Variants in CNTN1 observed in about 807,000 individuals in gnomAD.
CNTN1 encodes the protein contactin-1.
Under a neutral mutation model 126.4 loss-of-function variants are expected in CNTN1, and 38 were observed. That is an observed-to-expected ratio of 0.30 (90% CI 0.23 to 0.39). The LOEUF is 0.39. Among genes scored for constraint, CNTN1 ranks in the 10% least tolerant of loss-of-function variants. The probability of loss-of-function intolerance (pLI) is 1.00; values close to 1 mark genes in which losing one functional copy is unlikely to be tolerated. For missense variants in CNTN1, 1,009 were observed against 1,248.4 expected, an observed-to-expected ratio of 0.81 and a Z score of 2.89; for synonymous variants, 413 against 422.6, an observed-to-expected ratio of 0.98 and a Z score of 0.28.
chr12:40,927,821 G>A (rs933431218), intron 6 of CNTN1, among the ~76,000 whole-genome samples: 1 of 152,018 alleles, frequency 6.6e-6, no homozygotes, highest in Non-Finnish European at 1.5e-5. Context: ...CAAGACTTAT[G>A]TTCATACAAC....
At chr12:40,707,374 G>T (rs1376337253) in intron 1 of CNTN1, among the ~76,000 whole-genome samples, 3 of 150,380 alleles carry the variant, frequency 2.0e-5, no homozygotes, top group African/African-American at 7.3e-5. Flanking sequence ...TCAGCCTCCC[G>T]AGTAGCTGGG....
intron 12 of CNTN1, among the ~76,000 whole-genome samples, chr12:40,941,266 C>T (rs938688684): frequency 6.6e-6 from 1 of 151,870 alleles, no homozygotes; most frequent in African/African-American, 2.4e-5. Flanking sequence ...AGTGTAAATA[C>T]TATTTAATAG....
chr12:40,942,234 T>C (rs1290948552), intron 12 of CNTN1, among the ~76,000 whole-genome samples: 1 of 152,102 alleles, frequency 6.6e-6, no homozygotes, highest in Non-Finnish European at 1.5e-5. Flanking sequence ...ATATGTGTCC[T>C]CCAAGAAGCT....
intron 23 of CNTN1, among the ~76,000 whole-genome samples, chr12:41,046,938 A>G (rs1027348301): frequency 6.6e-6 from 1 of 151,004 alleles, no homozygotes; most frequent in South Asian, 2.1e-4. Context: ...TTCATATTGA[A>G]AACAACTGCC....
At position 41,001,187 on chromosome 12, in the gene CNTN1, G is replaced by A. The variant is rs148526440; in HGVS notation, c.2113+7918G>A. ...AGGTCGAATAGTATTTATGTTTTCA[G>A]GTCTTTCAGGAACTGACACACTGTC... On this transcript the variant is annotated intron_variant, in intron 17 of 23. Coordinates refer to ENST00000551295, the MANE Select transcript of CNTN1 (RefSeq NM_001843.4). Among the ~76,000 whole-genome samples the A allele has an allele frequency of 9.5e-4, 145 of 152,198 alleles. 1 individual carries two copies. Among genetic ancestry groups the A allele is most frequent in the African/African-American group, 3.1e-3 (130 of 41,550 alleles).
intron 1 of CNTN1, among the ~76,000 whole-genome samples, chr12:40,693,477 G>A (rs1041542340): frequency 5.9e-5 from 9 of 152,220 alleles, no homozygotes; most frequent in Admixed American, 5.9e-4. Context: ...AGATTGCTGG[G>A]AGCAGTAGGC....
At chr12:40,883,838 T>A (rs1943947153) in intron 1 of CNTN1, among the ~76,000 whole-genome samples, 1 of 151,604 alleles carries the variant, frequency 6.6e-6, no homozygotes, top group Admixed American at 6.6e-5. Context: ...AAGGATAAAG[T>A]TGTGAGCATA....
At chr12:40,721,174 T>G (rs1942199317) in intron 1 of CNTN1, among the ~76,000 whole-genome samples, 1 of 152,120 alleles carries the variant, frequency 6.6e-6, no homozygotes, top group Admixed American at 6.5e-5. Context: ...ATCAGAATTA[T>G]GTTTCACACA....
At chr12:40,854,448 T>A (rs1040403511) in intron 1 of CNTN1, among the ~76,000 whole-genome samples, 1 of 152,124 alleles carries the variant, frequency 6.6e-6, no homozygotes, top group African/African-American at 2.4e-5. Context: ...TATTTCTAGA[T>A]TTAAAAGTTT....
At chr12:40,964,853 A>G (rs897861145) in intron 15 of CNTN1, among the ~76,000 whole-genome samples, 5 of 152,126 alleles carry the variant, frequency 3.3e-5, no homozygotes, top group African/African-American at 7.2e-5. Flanking sequence ...TTAAAGTACT[A>G]TAATAGTTGC....
chr12:40,886,005 TAGTA>T (rs1944015357), intron 1 of CNTN1, among the ~76,000 whole-genome samples: 1 of 152,076 alleles, frequency 6.6e-6, no homozygotes, highest in Non-Finnish European at 1.5e-5. Context: ...TAGACATTGT[TAGTA>T]CAAAAGAAAA....
chr12:40,709,769 C>A (rs1257528312), intron 1 of CNTN1, among the ~76,000 whole-genome samples: 2 of 152,154 alleles, frequency 1.3e-5, no homozygotes, highest in African/African-American at 2.4e-5. Context: ...TAGCTTCCAG[C>A]TCTTCTTTTA....
intron 1 of CNTN1, among the ~76,000 whole-genome samples, chr12:40,814,871 G>A (rs542295611): frequency 2.4e-4 from 37 of 151,942 alleles, no homozygotes; most frequent in African/African-American, 3.1e-4. Flanking sequence ...CTTTTATTTC[G>A]TTGAGCAGCA....
In CNTN1 at chr12:40,808,636, T is replaced by A. The variant is rs368081398; in HGVS notation, c.-76-99721T>A. Among the ~76,000 whole-genome samples, 15 of 152,266 alleles carry A rather than the reference T, an allele frequency of 9.9e-5. No individual in the cohort carries two copies. In the South Asian group the frequency reaches 3.1e-3, roughly 32 times the overall value. On this transcript the variant is annotated intron_variant, in intron 1 of 23. Coordinates refer to ENST00000551295, the MANE Select transcript of CNTN1 (RefSeq NM_001843.4). Reference sequence around the variant, plus strand: ...TTTTTAAACAACCAGCTTGCAAAATTCCTGAAATTAAAATAGGCTCTTCCA... The same window carrying A: ...TTTTTAAACAACCAGCTTGCAAAATACCTGAAATTAAAATAGGCTCTTCCA...
intron 23 of CNTN1, among the ~76,000 whole-genome samples, chr12:41,060,122 T>C (rs1465100005): frequency 6.6e-6 from 1 of 152,194 alleles, no homozygotes. Context: ...TTGAGTCTCA[T>C]GGCCAGTTAG....
At chr12:40,860,545 T>G (rs936474273) in intron 1 of CNTN1, among the ~76,000 whole-genome samples, 1 of 149,332 alleles carries the variant, frequency 6.7e-6, no homozygotes, top group Non-Finnish European at 1.5e-5. Flanking sequence ...TCCCACGACA[T>G]CTTACACAGG....
Position 41,016,797 on chromosome 12 carries a change from A to C in CNTN1, c.2300A>C (p.Tyr767Ser). The C allele has an allele frequency of 6.2e-7, 1 of 1,614,146 alleles. No individual in the cohort carries two copies. Among genetic ancestry groups the C allele is most frequent in the Non-Finnish European group, 8.5e-7 (1 of 1,179,988 alleles). Residue 767 changes from tyrosine (Y) to serine (S), a missense_variant, in exon 19 of 24, where the codon TAT becomes TCT. Coordinates refer to ENST00000551295, the MANE Select transcript of CNTN1 (RefSeq NM_001843.4). ...VTVTNPDTGR[Y>S]VHKDETMSPS... ...GTTACTAATCCTGATACTGGCCGAT[A>C]TGTCCATAAAGATGAAACCATGAGC...
intron 20 of CNTN1, 50 bp downstream of exon 20, chr12:41,020,490 G>A (rs376141398): frequency 2.0e-5 from 24 of 1,181,390 alleles, no homozygotes; most frequent in Non-Finnish European, 3.0e-5. Context: ...AAATATATAA[G>A]CATACGTTTT....
At position 40,811,260 on chromosome 12, in the gene CNTN1, T is replaced by C. The variant is rs140575218; in HGVS notation, c.-76-97097T>C. ...TTTTTTAGTATCATCCATAATGTAT[T>C]ACATAACCCTTTGCTGGTATTTTAT... On this transcript the variant is annotated intron_variant, in intron 1 of 23. Coordinates refer to ENST00000551295, the MANE Select transcript of CNTN1 (RefSeq NM_001843.4). Among the ~76,000 whole-genome samples, 480 of 152,304 alleles carry C rather than the reference T, an allele frequency of 3.2e-3. 6 individuals are homozygous for C. The highest frequency in any genetic ancestry group is 9.8e-3 in the African/African-American group (408 of 41,560).
Sources: gnomAD v4.1 joint callset for allele counts (sites outside exome capture counted in the v4.1 genomes callset) on GRCh38, gnomAD v4.1.1 for gene constraint, MANE v1.5 for transcripts, NCBI Gene and HGNC (gene_info 2026-07-23, HGNC 2026-07-21) for gene names.